PDGFC: variants seen among roughly 807,000 people sequenced by gnomAD.
The protein encoded by PDGFC is platelet-derived growth factor C.
PDGFC carries 12 observed loss-of-function variants against 35.5 expected under a neutral mutation model. That is an observed-to-expected ratio of 0.34 (90% CI 0.22 to 0.55). The LOEUF is 0.55. Among genes scored for constraint, PDGFC ranks in the 20% least tolerant of loss-of-function variants. PDGFC has a pLI of 0.91. For missense variants in PDGFC, 322 were observed against 412.4 expected, an observed-to-expected ratio of 0.78 and a Z score of 1.90; for synonymous variants, 159 against 148.8, an observed-to-expected ratio of 1.07 and a Z score of -0.50.
At chr4:156,865,788 T>C (rs748454383) in intron 1 of PDGFC, among the ~76,000 whole-genome samples, 24 of 152,138 alleles carry the variant, frequency 1.6e-4, no homozygotes, top group Non-Finnish European at 3.2e-4. Context: ...TTGGGGTGAG[T>C]TGTAGCAGAA....
intron 1 of PDGFC, among the ~76,000 whole-genome samples, chr4:156,945,522 ACTGT>A (rs953111006): frequency 7.9e-5 from 12 of 151,724 alleles, no homozygotes; most frequent in African/African-American, 2.9e-4. Flanking sequence ...CTAAGCAACT[ACTGT>A]CTCTTTTCCC....
intron 1 of PDGFC, among the ~76,000 whole-genome samples, chr4:156,862,708 C>T (rs1006616286): frequency 3.3e-5 from 5 of 149,516 alleles, no homozygotes; most frequent in African/African-American, 1.2e-4. Flanking sequence ...TGAATACAAA[C>T]ATCTTTATCT....
intron 2 of PDGFC, among the ~76,000 whole-genome samples, chr4:156,839,284 A>G (rs1043741121): frequency 2.0e-5 from 3 of 152,258 alleles, no homozygotes; most frequent in Admixed American, 2.0e-4. Context: ...TTTTCTCCCA[A>G]CATGGGGCAG....
chr4:156,902,667 CCA>C (rs1294087529), intron 1 of PDGFC, among the ~76,000 whole-genome samples: 1 of 151,994 alleles, frequency 6.6e-6, no homozygotes, highest in African/African-American at 2.4e-5. Context: ...TACAAATTTA[CCA>C]CAGTTTACTC....
chr4:156,852,410 T>G (rs950222359), intron 1 of PDGFC, among the ~76,000 whole-genome samples: 1 of 152,222 alleles, frequency 6.6e-6, no homozygotes, highest in Non-Finnish European at 1.5e-5. Flanking sequence ...TGTCTTGGTA[T>G]TATAGCTTTC....
intron 1 of PDGFC, among the ~76,000 whole-genome samples, chr4:156,886,207 T>C (rs1263136921): frequency 6.6e-6 from 1 of 152,172 alleles, no homozygotes; most frequent in Non-Finnish European, 1.5e-5. Flanking sequence ...CAAATTCTTA[T>C]ACATAATATC....
At chr4:156,922,559 G>A (rs1731311531) in intron 1 of PDGFC, among the ~76,000 whole-genome samples, 1 of 152,174 alleles carries the variant, frequency 6.6e-6, no homozygotes, top group Non-Finnish European at 1.5e-5. Context: ...AAGACTCATG[G>A]TTTTCAGGAA....
intron 3 of PDGFC, among the ~76,000 whole-genome samples, chr4:156,775,974 G>C (rs115104995): frequency 3.3e-5 from 5 of 152,000 alleles, no homozygotes; most frequent in Admixed American, 2.6e-4. Context: ...CAGGGGAAGT[G>C]GTGCTTCTAT....
In PDGFC at chr4:156,882,685, A is replaced by G. The variant is rs185662939; in HGVS notation, c.119-32269T>C. On this transcript the variant is annotated intron_variant, in intron 1 of 5. Transcript: ENST00000502773. ...TGTCAATCTTTTGACTAAAAGTGACAGTAAATTCTGAAATATATTTCTCTA... is the reference window on the plus strand; with the variant it reads ...TGTCAATCTTTTGACTAAAAGTGACGGTAAATTCTGAAATATATTTCTCTA... Among the ~76,000 whole-genome samples the G allele has an allele frequency of 2.1e-3, 316 of 152,364 alleles. 1 individual carries two copies. The highest frequency in any genetic ancestry group is 0.01 in the Middle Eastern group (3 of 294).
intron 1 of PDGFC, among the ~76,000 whole-genome samples, chr4:156,884,828 AG>A (rs1198072354): frequency 6.6e-6 from 1 of 152,220 alleles, no homozygotes; most frequent in East Asian, 1.9e-4. Context: ...ACATGCAAAA[AG>A]ATTAATGAAT....
intron 2 of PDGFC, among the ~76,000 whole-genome samples, chr4:156,821,254 C>T (rs1204475910): frequency 1.3e-5 from 2 of 150,532 alleles, no homozygotes; most frequent in South Asian, 2.1e-4. Flanking sequence ...TTTTTGAAAC[C>T]GTCTCACTCT....
At chr4:156,776,379 C>T (rs1267283152) in intron 3 of PDGFC, among the ~76,000 whole-genome samples, 2 of 152,154 alleles carry the variant, frequency 1.3e-5, no homozygotes, top group Non-Finnish European at 2.9e-5. Context: ...TACTTTTAAG[C>T]TATAGGTTGT....
At chr4:156,908,777 T>A (rs1258579908) in intron 1 of PDGFC, among the ~76,000 whole-genome samples, 2 of 152,174 alleles carry the variant, frequency 1.3e-5, no homozygotes, top group African/African-American at 4.8e-5. Context: ...TAGACTTATG[T>A]AACAATCAGA....
chr4:156,966,227 T>C (rs1197553643), intron 1 of PDGFC, among the ~76,000 whole-genome samples: 1 of 152,204 alleles, frequency 6.6e-6, no homozygotes, highest in East Asian at 1.9e-4. Flanking sequence ...TGTTTACAAC[T>C]GATCTTACCC....
At chr4:156,887,732 C>T (rs751526336) in intron 1 of PDGFC, among the ~76,000 whole-genome samples, 2 of 152,040 alleles carry the variant, frequency 1.3e-5, no homozygotes, top group Non-Finnish European at 2.9e-5. Flanking sequence ...ATTTTATTGT[C>T]TTCTGGGTGT....
intron 2 of PDGFC, among the ~76,000 whole-genome samples, chr4:156,819,559 C>T (rs891022983): frequency 3.9e-5 from 6 of 152,160 alleles, no homozygotes; most frequent in African/African-American, 1.2e-4. Flanking sequence ...ATATTTTAAA[C>T]GTACTACTGC....
chr4:156,940,770 G>T (rs1265449508), intron 1 of PDGFC, among the ~76,000 whole-genome samples: 1 of 151,962 alleles, frequency 6.6e-6, no homozygotes, highest in African/African-American at 2.4e-5. Flanking sequence ...TTTGTCTGGG[G>T]CTACCTACTG....
chr4:156,966,450 T>TC (rs1370620668), intron 1 of PDGFC, among the ~76,000 whole-genome samples: 1 of 149,680 alleles, frequency 6.7e-6, no homozygotes, highest in South Asian at 2.1e-4. Context: ...CTTGGAAACT[T>TC]TTTTTTTTTA....
At chr4:156,966,295 G>C (rs1298250595) in intron 1 of PDGFC, among the ~76,000 whole-genome samples, 4 of 152,062 alleles carry the variant, frequency 2.6e-5, no homozygotes, top group Non-Finnish European at 1.5e-5. Context: ...AGATTACATA[G>C]AGTTACACAG....
Sources: allele counts gnomAD v4.1 joint callset (sites outside exome capture counted in the v4.1 genomes callset), GRCh38; gene constraint gnomAD v4.1.1; transcripts MANE v1.5; gene names NCBI Gene and HGNC (gene_info 2026-07-23, HGNC 2026-07-21).